The following TBC1D20 variants were observed in gnomAD, a reference collection of about 807,000 sequenced individuals.
TBC1D20 encodes chromosome 20 open reading frame 140.
TBC1D20 carries 12 observed loss-of-function variants against 41.6 expected under a neutral mutation model. That is an observed-to-expected ratio of 0.29 (90% CI 0.18 to 0.47). The LOEUF is 0.47. TBC1D20 is among the 20% of genes least tolerant of loss of function. The pLI, the probability that TBC1D20 is intolerant of heterozygous loss-of-function variation, is 1.00. For synonymous variants in TBC1D20, 205 were observed against 204.8 expected (o/e 1.00, Z -0.01); for missense variants, 421 against 517.4 (o/e 0.81, Z 1.81).
chr20:451,212 G>A (rs1488150096), intron 1 of TBC1D20, among the ~76,000 whole-genome samples: 3 of 152,194 alleles, frequency 2.0e-5, no homozygotes, highest in Non-Finnish European at 2.9e-5. Context: ...TAATTGTGAT[G>A]TTTAATGAAC....
At chr20:440,730 A>T (rs2017213010) in intron 5 of TBC1D20, 1 of 200,208 alleles carries the variant, frequency 5.0e-6, no homozygotes, top group African/African-American at 2.3e-5. Context: ...GGGCACAGGT[A>T]CATATTCCCA....
intron 1 of TBC1D20, among the ~76,000 whole-genome samples, chr20:452,233 G>A (rs1373010217): frequency 2.6e-5 from 4 of 152,206 alleles, no homozygotes; most frequent in Admixed American, 6.5e-5. Flanking sequence ...CTTGAACCCC[G>A]GTGGCAGAGG....
At chr20:458,838 C>G (rs1328273798) in intron 1 of TBC1D20, among the ~76,000 whole-genome samples, 1 of 152,154 alleles carries the variant, frequency 6.6e-6, no homozygotes, top group African/African-American at 2.4e-5. Flanking sequence ...ACTCTTTGGC[C>G]TGTTTCTAAC....
chr20:453,607 G>A (rs1446435569), intron 1 of TBC1D20, among the ~76,000 whole-genome samples: 3 of 130,382 alleles, frequency 2.3e-5, no homozygotes, highest in Non-Finnish European at 4.8e-5. Context: ...GTGCAGAGGC[G>A]CAATCTCGGC....
chr20:441,490 C>A, intron 5 of TBC1D20, 98 bp downstream of exon 5: 1 of 1,056,300 alleles, frequency 9.5e-7, no homozygotes, highest in South Asian at 1.3e-5. Context: ...CCACCCAAGA[C>A]AATGAGGAAA....
intron 1 of TBC1D20, 106 bp from the exon 2 acceptor site, chr20:448,180 C>T (rs1329118049): frequency 1.4e-6 from 1 of 729,468 alleles, no homozygotes; most frequent in Non-Finnish European, 2.3e-6. Flanking sequence ...AGTATCTCCT[C>T]TTAGCTCTAA....
At chr20:454,466 A>G (rs1359846971) in intron 1 of TBC1D20, among the ~76,000 whole-genome samples, 2 of 152,096 alleles carry the variant, frequency 1.3e-5, no homozygotes, top group Non-Finnish European at 2.9e-5. Context: ...TATGTAGTAT[A>G]TATTAGGTGC....
rs2017650210 is a variant in TBC1D20, at chr20:462,398, A to C, written c.8T>G (p.Leu3Arg). The change falls in exon 1 of 8, where the codon CTC becomes CGC. Residue 3 changes from leucine (L) to arginine (R), a missense_variant. Transcript: ENST00000354200. MA[L>R]RSAQGDGPTS... ...GGGGCCGTCGCCCTGCGCACTCCGG[A>C]GGGCCATGCCCCGGGGCCCCGGGCC... 3.2e-6 allele frequency: 4 copies of C among 1,267,444 alleles called. No homozygotes were observed. Among genetic ancestry groups the C allele is most frequent in the Non-Finnish European group, 4.0e-6 (4 of 998,176 alleles). 78.5% of individuals were successfully genotyped at this position (1,267,444 alleles called of 1,614,324 possible). A position where few individuals can be genotyped will look rare whatever the true frequency, so the allele number is the denominator to read the frequency against.
chr20:437,245 G>A lies in TBC1D20; in HGVS notation c.*1341C>T, dbSNP rs1478910940. The A allele has an allele frequency of 6.5e-6, 1 of 152,742 alleles. No homozygotes were observed. Among genetic ancestry groups the A allele is most frequent in the Non-Finnish European group, 1.5e-5 (1 of 68,108 alleles). 9.5% of individuals were successfully genotyped at this position (152,742 alleles called of 1,614,324 possible). A position where few individuals can be genotyped will look rare whatever the true frequency, so the allele number is the denominator to read the frequency against. ...CACAACAGGCATGCAAAGAGGACTG[G>A]ATATGGTGGGGTAGAGTGCTTCTGG... On this transcript the variant is annotated 3_prime_UTR_variant, in exon 8 of 8. Coordinates refer to ENST00000354200, the MANE Select transcript of TBC1D20 (RefSeq NM_144628.4).
intron 1 of TBC1D20, among the ~76,000 whole-genome samples, chr20:450,216 T>G (rs1027627415): frequency 6.6e-5 from 10 of 151,900 alleles, no homozygotes; most frequent in African/African-American, 2.4e-4. Context: ...TGGCGCGATC[T>G]CAGCTCACTG....
rs62189971 is a variant in TBC1D20 at position 442,000 on chromosome 20, A to T, written c.381T>A (p.Ile127=). 207 of 1,613,940 alleles carry T rather than the reference A, an allele frequency of 1.3e-4. No individual in the cohort carries two copies. The highest frequency in any genetic ancestry group is 1.7e-4 in the Non-Finnish European group (195 of 1,179,998). ...EQREGLQEEL[I]DIILLILERN... is the part of the protein sequence containing the mutation. The stretch of plus-strand genomic sequence containing the variant: ...GCTCCAAGATGAGGAGGATGATGTC[A>T]ATCAGTTCTTCCTGGAGCCCTTCTC... The change falls in exon 4 of 8, where the codon ATT becomes ATA. Residue 127 remains isoleucine (I), a synonymous_variant. Transcript: ENST00000354200.
chr20:444,651 T>C (rs1383112859), intron 3 of TBC1D20, among the ~76,000 whole-genome samples: 3 of 152,240 alleles, frequency 2.0e-5, no homozygotes, highest in Non-Finnish European at 4.4e-5. Context: ...GAATGGCCTC[T>C]CTTCCCTCTA....
intron 1 of TBC1D20, among the ~76,000 whole-genome samples, chr20:460,209 G>T (rs55653158): frequency 2.0e-5 from 3 of 152,196 alleles, no homozygotes; most frequent in African/African-American, 7.2e-5. Flanking sequence ...CAATGGAAGG[G>T]GGGGGCCGTT....
rs183215972 is a variant in TBC1D20, at chr20:439,952, C to A, written c.768+296G>T. Among the ~76,000 whole-genome samples the A allele has an allele frequency of 2.0e-4, 30 of 152,304 alleles. No individual in the cohort carries two copies. The highest frequency in any genetic ancestry group is 1.6e-3 in the Admixed American group (25 of 15,298). On this transcript the variant is annotated intron_variant, in intron 6 of 7. Transcript: ENST00000354200. The surrounding 1 kb of genome is among the most constrained non-coding windows in gnomAD (Gnocchi z 4.6). Reference sequence around the variant, plus strand: ...TGTGTTCATCAGCTGAACATATATTCCAGACAATGTCAACAGGAACCCTGA... The same window carrying A: ...TGTGTTCATCAGCTGAACATATATTACAGACAATGTCAACAGGAACCCTGA...
chr20:446,201 T>A (rs751711442), intron 2 of TBC1D20, among the ~76,000 whole-genome samples: 28 of 152,260 alleles, frequency 1.8e-4, no homozygotes, highest in Admixed American at 5.2e-4. Context: ...GATTCACTGT[T>A]CTACAGGACT....
chr20:462,046 G>C (rs2122436812), intron 1 of TBC1D20, among the ~76,000 whole-genome samples: 1 of 152,318 alleles, frequency 6.6e-6, no homozygotes, highest in East Asian at 1.9e-4. Flanking sequence ...GTCCTCTCCA[G>C]ATGGAAGAAA....
intron 3 of TBC1D20, among the ~76,000 whole-genome samples, chr20:443,117 A>G (rs2017270257): frequency 6.6e-6 from 1 of 152,190 alleles, no homozygotes; most frequent in African/African-American, 2.4e-5. Context: ...AAAAAAGCAA[A>G]TGTAGTAAAA....
chr20:442,113 C>A, intron 3 of TBC1D20, 70 bp from the exon 4 acceptor site: 1 of 1,354,924 alleles, frequency 7.4e-7, no homozygotes, highest in Non-Finnish European at 9.9e-7. Context: ...CGAAGAAGGC[C>A]AGCAATGAAT....
At chr20:440,670 C>A in intron 5 of TBC1D20, 1 of 337,918 alleles carries the variant, frequency 3.0e-6, no homozygotes, top group Non-Finnish European at 5.4e-6. Flanking sequence ...CAGTTGTTTT[C>A]AGAGAACTAC....
Sources: allele counts gnomAD v4.1 joint callset (sites outside exome capture counted in the v4.1 genomes callset), GRCh38; gene constraint gnomAD v4.1.1; non-coding constraint Gnocchi (gnomAD v3.1); transcripts MANE v1.5; gene names NCBI Gene and HGNC (gene_info 2026-07-23, HGNC 2026-07-21).